Variants in UBXN6 observed in about 807,000 individuals in gnomAD.
UBXN6 encodes the protein UBX domain protein 6, also known as UBX domain-containing protein 6.
UBXN6 carries 44 observed loss-of-function variants against 51.4 expected under a neutral mutation model. The ratio of observed to expected loss-of-function variants is 0.86; its 90% CI spans 0.67 to 1.10. The LOEUF (loss-of-function observed/expected upper bound fraction) is 1.10. Ranked by LOEUF, UBXN6 falls within the 50% of genes least tolerant of loss-of-function variation. The pLI is 0.00. For missense variants in UBXN6, 672 were observed against 596.1 expected (o/e 1.13, Z -1.32); for synonymous variants, 316 against 263.2 (o/e 1.20, Z -1.94).
At chr19:4,448,125 G>T in intron 5 of UBXN6, 193 bp downstream of exon 5, 4 of 607,882 alleles carry the variant, frequency 6.6e-6, no homozygotes, top group Non-Finnish European at 1.2e-5. Flanking sequence ...TTTGCACACG[G>T]GTAAACTGAG....
intron 4 of UBXN6, chr19:4,450,197 C>T (rs1019479787): frequency 1.4e-5 from 2 of 148,102 alleles, no homozygotes; most frequent in East Asian, 3.9e-4. Flanking sequence ...TGCACTCCAG[C>T]CTGGTGACAG....
At chr19:4,453,414 C>T (rs1974687617) in intron 3 of UBXN6, 44 bp downstream of exon 3, 2 of 1,599,972 alleles carry the variant, frequency 1.3e-6, no homozygotes, top group African/African-American at 2.7e-5. Context: ...TCAAGCTGTC[C>T]CCACCCCTTG....
Position 4,448,832 on chromosome 19 carries a change from C to T in UBXN6, c.442-417G>A, listed in dbSNP as rs558771328. 3 of 210,754 alleles carry T rather than the reference C, an allele frequency of 1.4e-5. No individual in the cohort carries two copies. In the South Asian group the frequency reaches 2.1e-4, roughly 15 times the overall value. 13.1% of individuals were successfully genotyped at this position (210,754 alleles called of 1,614,324 possible). ...CTCTCGCAGCCCCATGATGGACGTT[C>T]TGGAACCACTCCCGGGCCTCATGTT... On this transcript the variant is annotated intron_variant, in intron 4 of 10. Transcript: ENST00000301281.
chr19:4,446,795 C>T (rs1974539896), intron 7 of UBXN6, 41 bp downstream of exon 7: 7 of 1,613,754 alleles, frequency 4.3e-6, no homozygotes, highest in Non-Finnish European at 5.9e-6. Context: ...CCCGAGGCCC[C>T]TCGTCCCCAT....
At chr19:4,448,266 G>A in intron 5 of UBXN6, 52 bp downstream of exon 5, 3 of 1,487,992 alleles carry the variant, frequency 2.0e-6, no homozygotes, top group South Asian at 2.4e-5. Context: ...AGTGGGAGGG[G>A]TGCTGGGATG....
Position 4,452,361 on chromosome 19 carries a change from CA to C in UBXN6, c.441+2del, listed in dbSNP as rs754632715. On this transcript the variant is annotated splice_donor_variant, in intron 4 of 10. Coordinates refer to ENST00000301281, the MANE Select transcript of UBXN6 (RefSeq NM_025241.3). LOFTEE classifies it high-confidence loss of function. ...GGGCAGGAGCACACAGGGTGCCACT[CA>C]CCAAGAGAATGGCCTCCTTGATGCA... 1.2e-5 allele frequency: 20 copies of C among 1,613,178 alleles called. No homozygotes were observed. In the Admixed American group the frequency reaches 2.0e-4, roughly 16 times the overall value.
rs748942813 is a variant in UBXN6 at position 4,448,312 on chromosome 19, G to T, written c.539+6C>A. 1 of 1,599,998 alleles carries T rather than the reference G, an allele frequency of 6.3e-7. No homozygotes were observed. The highest frequency in any genetic ancestry group is 2.3e-5 in the East Asian group (1 of 44,134). On this transcript the variant is annotated splice_donor_region_variant and intron_variant, in intron 5 of 10. Coordinates refer to ENST00000301281, the MANE Select transcript of UBXN6 (RefSeq NM_025241.3). ...GCCAGGCAGGGCAAAGGGGCCACAC[G>T]CTCACTTGGCAATGGTGTCCACACC... is the stretch of plus-strand genomic sequence containing the variant.
chr19:4,452,953 C>A (rs191455839), intron 3 of UBXN6, among the ~76,000 whole-genome samples: 1 of 152,336 alleles, frequency 6.6e-6, no homozygotes, highest in East Asian at 1.9e-4. Flanking sequence ...GCTTAGAACT[C>A]CTTTCAGCGG....
chr19:4,457,794 T>TAAAAA (rs1491526222), upstream of UBXN6: 9 of 160,328 alleles, frequency 5.6e-5, 2 homozygotes, highest in African/African-American at 2.1e-4. Context: ...CGGAAGAAAA[T>TAAAAA]TAAAAAAAAA....
At chr19:4,456,305 C>T (rs934187794) in intron 1 of UBXN6, among the ~76,000 whole-genome samples, 6 of 150,358 alleles carry the variant, frequency 4.0e-5, no homozygotes, top group Non-Finnish European at 5.9e-5. Context: ...CTCACTCAGC[C>T]TTTGCTCTCC....
intron 3 of UBXN6, 41 bp from the exon 4 acceptor site, chr19:4,452,533 G>A (rs1317775682): frequency 1.3e-6 from 2 of 1,589,596 alleles, no homozygotes; most frequent in Admixed American, 3.5e-5. Flanking sequence ...CGTGGACAGA[G>A]GCCACCCCGA....
chr19:4,446,034 C>T lies in UBXN6; in HGVS notation c.1200+15G>A, dbSNP rs778966561. The T allele has an allele frequency of 1.6e-5, 26 of 1,600,686 alleles. No homozygotes were observed. In the East Asian group the frequency reaches 2.9e-4, roughly 18 times the overall value. The stretch of plus-strand genomic sequence containing the variant: ...AGGCATCGGGTCAGCGGTGCTCCTG[C>T]GGGCCGACACTCACCAGCCCGCACT... On this transcript the variant is annotated intron_variant, in intron 10 of 10. Transcript: ENST00000301281.
At chr19:4,447,091 T>TG (rs1429040010) in intron 6 of UBXN6, 171 bp from the exon 7 acceptor site, 1 of 637,914 alleles carries the variant, frequency 1.6e-6, no homozygotes, top group African/African-American at 1.8e-5. Context: ...TTTTCTACGG[T>TG]GGGGGCTGTG....
Position 4,445,558 on chromosome 19 carries a change from C to T in UBXN6, c.1266G>A (p.Gly422=). The T allele has an allele frequency of 6.2e-7, 1 of 1,613,834 alleles. No homozygotes were observed. ...MAVLEDIKAA[G]AEPDSILKPE... Reference sequence around the variant, plus strand: ...GTTTCAGGATGGAGTCCGGCTCGGCCCCCGCGGCCTTGATGTCCTCCAGCA... The same window carrying T: ...GTTTCAGGATGGAGTCCGGCTCGGCTCCCGCGGCCTTGATGTCCTCCAGCA... Residue 422 remains glycine, a synonymous_variant, in exon 11 of 11, where the codon GGG becomes GGA. Coordinates refer to ENST00000301281, the MANE Select transcript of UBXN6 (RefSeq NM_025241.3).
Position 4,445,015 on chromosome 19 carries a change from A to C in UBXN6, c.*483T>G, listed in dbSNP as rs1433345691. 6.2e-6 allele frequency: 1 copy of C among 160,136 alleles called. No homozygotes were observed. The highest frequency in any genetic ancestry group is 1.4e-5 in the Non-Finnish European group (1 of 72,938). The allele number at this position is 160,136 out of a possible 1,614,324, so 9.9% of individuals were successfully genotyped here. On this transcript the variant is annotated 3_prime_UTR_variant, in exon 11 of 11. Coordinates refer to ENST00000301281, the MANE Select transcript of UBXN6 (RefSeq NM_025241.3). ...CGGAGAACCAAGAAACTATATTCAA[A>C]CAACCTGTTTATTTGGGCTTATGAT...
In UBXN6 at chr19:4,457,740, G is replaced by A. The variant is rs749445536; in HGVS notation, c.-43C>T. 89 of 1,383,564 alleles carry A rather than the reference G, an allele frequency of 6.4e-5. No homozygotes were observed. In the Middle Eastern group the frequency reaches 1.0e-3, roughly 16 times the overall value. 85.7% of individuals were successfully genotyped at this position (1,383,564 alleles called of 1,614,324 possible). A position where few individuals can be genotyped will look rare whatever the true frequency, so the allele number is the denominator to read the frequency against. On this transcript the variant is annotated 5_prime_UTR_variant, in exon 1 of 11. Transcript: ENST00000301281. ...CGGCGGGGGGCCGCGGGGGCGGGGG[G>A]GCACGGGGCCCAGTCGGGGACGGGG... is the stretch of plus-strand genomic sequence containing the variant.
Position 4,446,114 on chromosome 19 carries a change from G to C in UBXN6, c.1135C>G (p.Leu379Val). ...AGCTTCTGCCCTCCCGAGGCCAGCA[G>C]CTCAAAAGGCAGCCAGTCGCTCTGC... ...ALQSDWLPFE[L>V]LASGGQKLSE... Residue 379 changes from leucine (L) to valine (V), a missense_variant, in exon 10 of 11, where the codon CTG becomes GTG. Transcript: ENST00000301281. 1.2e-6 allele frequency: 2 copies of C among 1,612,638 alleles called. No homozygotes were observed. Among genetic ancestry groups the C allele is most frequent in the Non-Finnish European group, 1.7e-6 (2 of 1,179,912 alleles).
intron 1 of UBXN6, 39 bp downstream of exon 1, chr19:4,457,576 C>A: frequency 3.2e-6 from 5 of 1,565,912 alleles, no homozygotes; most frequent in East Asian, 2.5e-5. Context: ...CGGCCGTCCC[C>A]GCCCCGCAGG....
chr19:4,448,480 C>G (rs1974587668), intron 4 of UBXN6, 65 bp from the exon 5 acceptor site: 1 of 1,330,002 alleles, frequency 7.5e-7, no homozygotes, highest in Non-Finnish European at 1.1e-6. Flanking sequence ...CTCCGCTGCC[C>G]AGGTAACAGG....
Sources: allele counts gnomAD v4.1 joint callset (sites outside exome capture counted in the v4.1 genomes callset), GRCh38; gene constraint gnomAD v4.1.1; transcripts MANE v1.5; gene names NCBI Gene and HGNC (gene_info 2026-07-23, HGNC 2026-07-21).